PTPRD: variants seen among roughly 807,000 people sequenced by gnomAD.
PTPRD encodes protein tyrosine phosphatase receptor type D, also known as receptor-type tyrosine-protein phosphatase delta.
PTPRD carries 34 observed loss-of-function variants against 214.5 expected under a neutral mutation model. The ratio of observed to expected loss-of-function variants is 0.16; its 90% CI spans 0.12 to 0.21. The LOEUF (loss-of-function observed/expected upper bound fraction) is 0.21, where lower values mean the gene tolerates loss of function less well. PTPRD is among the 10% of genes least tolerant of loss of function. The probability of loss-of-function intolerance (pLI) is 1.00; values close to 1 mark genes in which losing one functional copy is unlikely to be tolerated. For missense variants in PTPRD, 2,545 were observed against 2,398.7 expected, an observed-to-expected ratio of 1.06 and a Z score of -1.27; for synonymous variants, 1,128 against 845.7, an observed-to-expected ratio of 1.33 and a Z score of -5.79.
chr9:8,597,021 A>C (rs1223361377), intron 14 of PTPRD, among the ~76,000 whole-genome samples: 3 of 152,106 alleles, frequency 2.0e-5, no homozygotes, highest in African/African-American at 7.2e-5. Context: ...TATTAATTAC[A>C]CTAAAAAATA....
intron 8 of PTPRD, among the ~76,000 whole-genome samples, chr9:9,572,406 C>G (rs556171023): frequency 4.1e-4 from 62 of 151,252 alleles, no homozygotes; most frequent in African/African-American, 1.5e-3. Context: ...AGGAAAAACA[C>G]ATGCAATTCA....
intron 7 of PTPRD, among the ~76,000 whole-genome samples, chr9:9,719,576 C>G (rs999037736): frequency 1.3e-5 from 2 of 152,074 alleles, no homozygotes; most frequent in Non-Finnish European, 2.9e-5. Context: ...GATTTGCAGG[C>G]CAGAACAAGG....
intron 4 of PTPRD, among the ~76,000 whole-genome samples, chr9:9,967,485 T>A (rs1005988449): frequency 2.0e-5 from 3 of 152,164 alleles, no homozygotes; most frequent in Admixed American, 2.0e-4. Context: ...AAAACATTTA[T>A]TGAGAAACAA....
intron 14 of PTPRD, among the ~76,000 whole-genome samples, chr9:8,563,334 T>C (rs1265046400): frequency 6.6e-6 from 1 of 152,138 alleles, no homozygotes. Context: ...TTTAGATATG[T>C]GCAGTTGATC....
intron 12 of PTPRD, among the ~76,000 whole-genome samples, chr9:8,726,851 G>C (rs1023301015): frequency 6.7e-6 from 1 of 148,488 alleles, no homozygotes; most frequent in Non-Finnish European, 1.5e-5. Context: ...CGTGCCTGTA[G>C]TTCCAGCTAC....
At chr9:10,395,448 A>C (rs762641435) in intron 2 of PTPRD, among the ~76,000 whole-genome samples, 1 of 151,890 alleles carries the variant, frequency 6.6e-6, no homozygotes, top group Non-Finnish European at 1.5e-5. Context: ...CTCTAAAGGC[A>C]GTCACCATGC....
chr9:9,909,588 T>C (rs1441142325), intron 5 of PTPRD, among the ~76,000 whole-genome samples: 1 of 152,078 alleles, frequency 6.6e-6, no homozygotes, highest in South Asian at 2.1e-4. Flanking sequence ...GTAAAATGTA[T>C]AAAATATGGG....
intron 11 of PTPRD, among the ~76,000 whole-genome samples, chr9:8,917,961 G>A (rs542562560): frequency 6.6e-6 from 1 of 152,244 alleles, no homozygotes; most frequent in South Asian, 2.1e-4. Flanking sequence ...CTCTCTTCAA[G>A]GATGGGAGGT....
At chr9:9,917,323 A>T (rs13299453) in intron 5 of PTPRD, among the ~76,000 whole-genome samples, 2 of 140,966 alleles carry the variant, frequency 1.4e-5, no homozygotes, top group Admixed American at 7.1e-5. Context: ...AAAAAAAAAA[A>T]GAGAGTAGAC....
intron 4 of PTPRD, among the ~76,000 whole-genome samples, chr9:9,939,013 CTTTT>C (rs58215302): frequency 2.0e-5 from 3 of 148,048 alleles, no homozygotes; most frequent in Non-Finnish European, 3.0e-5. Context: ...TTCTGAATTC[CTTTT>C]TTTTTTTTTA....
intron 3 of PTPRD, among the ~76,000 whole-genome samples, chr9:10,095,735 T>G (rs1401265938): frequency 6.6e-6 from 1 of 151,534 alleles, no homozygotes; most frequent in Non-Finnish European, 1.5e-5. Context: ...TTTACATGAG[T>G]TATTATCAAT....
At chr9:9,645,270 G>C (rs1405970284) in intron 7 of PTPRD, among the ~76,000 whole-genome samples, 1 of 152,086 alleles carries the variant, frequency 6.6e-6, no homozygotes, top group Non-Finnish European at 1.5e-5. Context: ...TTTCAGTTTT[G>C]TCACCTGTAA....
intron 8 of PTPRD, among the ~76,000 whole-genome samples, chr9:9,479,225 C>G (rs990488397): frequency 6.4e-4 from 56 of 86,860 alleles, no homozygotes; most frequent in Non-Finnish European, 1.1e-3. Context: ...GCCCCCCCCC[C>G]CCCCACACAC....
At chr9:9,987,005 G>C (rs2095737868) in intron 4 of PTPRD, among the ~76,000 whole-genome samples, 1 of 152,080 alleles carries the variant, frequency 6.6e-6, no homozygotes, top group Admixed American at 6.6e-5. Flanking sequence ...TCAGAGATGT[G>C]AGAGTAATTC....
chr9:8,722,123 C>CTGTGTGTGTGTGTGTGTGTG (rs34720946), intron 12 of PTPRD, among the ~76,000 whole-genome samples: 92 of 147,478 alleles, frequency 6.2e-4, no homozygotes, highest in Middle Eastern at 6.9e-3. Flanking sequence ...AAGTATTACT[C>CTGTGTGTGTGTGTGTGTGTG]TGTGTGTGTG....
At chr9:10,472,487 G>T (rs1566304325) in intron 2 of PTPRD, among the ~76,000 whole-genome samples, 1 of 149,490 alleles carries the variant, frequency 6.7e-6, no homozygotes, top group Middle Eastern at 3.4e-3. Flanking sequence ...AGGCAGGTTG[G>T]AGTAGTTGGG....
At chr9:9,539,331 A>AG (rs2077126536) in intron 8 of PTPRD, among the ~76,000 whole-genome samples, 1 of 151,800 alleles carries the variant, frequency 6.6e-6, no homozygotes, top group African/African-American at 2.4e-5. Context: ...AGGGAATGAA[A>AG]GGGGGTAGGT....
chr9:10,372,133 T>C (rs923706958), intron 2 of PTPRD, among the ~76,000 whole-genome samples: 40 of 152,108 alleles, frequency 2.6e-4, no homozygotes, highest in African/African-American at 9.7e-4. Context: ...AAGAGAATAA[T>C]TTTTAAAACA....
At chr9:9,039,103 C>T (rs1451061706) in intron 10 of PTPRD, among the ~76,000 whole-genome samples, 2 of 152,160 alleles carry the variant, frequency 1.3e-5, no homozygotes, top group Admixed American at 1.3e-4. Flanking sequence ...TAGCTGTATA[C>T]ATTTCATACA....
Sources: gnomAD v4.1 joint callset for allele counts (sites outside exome capture counted in the v4.1 genomes callset) on GRCh38, gnomAD v4.1.1 for gene constraint, MANE v1.5 for transcripts, NCBI Gene and HGNC (gene_info 2026-07-23, HGNC 2026-07-21) for gene names.